LDHA: variants seen among roughly 807,000 people sequenced by gnomAD.
LDHA encodes the protein L-lactate dehydrogenase A chain.
In LDHA, 10 loss-of-function variants were observed where a neutral mutation model predicts 36.3. That is an observed-to-expected ratio of 0.28 (90% confidence interval 0.17 to 0.47). The LOEUF (loss-of-function observed/expected upper bound fraction) is 0.47, where lower values mean the gene tolerates loss of function less well. Among genes scored for constraint, LDHA ranks in the 20% least tolerant of loss-of-function variants. The probability of loss-of-function intolerance (pLI) is 0.99; values close to 1 mark genes in which losing one functional copy is unlikely to be tolerated. For synonymous variants in LDHA, 110 were observed against 136.7 expected, an observed-to-expected ratio of 0.80 and a Z score of 1.36; for missense variants, 267 against 405.8, an observed-to-expected ratio of 0.66 and a Z score of 2.94.
chr11:18,401,473 C>CTTTTTTTTTTTTTTTTTTTTTT (rs58157049), intron 4 of LDHA, among the ~76,000 whole-genome samples: 2 of 68,600 alleles, frequency 2.9e-5, no homozygotes, highest in Non-Finnish European at 5.1e-5. Flanking sequence ...ATTTATTTTT[C>CTTTTTTTTTTTTTTTTTTTTTT]TTTTTTTTTT....
chr11:18,398,707 G>A (rs7130990), intron 2 of LDHA: 92,313 of 144,504 alleles, frequency 0.64, 29,692 homozygotes, highest in South Asian at 0.73. Flanking sequence ...TCTGCCTCCC[G>A]GGTTCATACC....
chr11:18,402,668 A>G (rs1205529776), intron 4 of LDHA, 172 bp from the exon 5 acceptor site: 2 of 621,302 alleles, frequency 3.2e-6, no homozygotes, highest in Non-Finnish European at 5.8e-6. Flanking sequence ...TAACAAAATT[A>G]TTGGTTAGCC....
intron 1 of LDHA, among the ~76,000 whole-genome samples, chr11:18,396,026 C>A (rs1229569320): frequency 1.3e-5 from 2 of 152,256 alleles, no homozygotes; most frequent in East Asian, 3.8e-4. Flanking sequence ...ACGTTGCTGG[C>A]GTCTGCTTCG....
Position 18,406,872 on chromosome 11 carries a change from A to G in LDHA, c.835-245A>G, listed in dbSNP as rs920974965. On this transcript the variant is annotated intron_variant, in intron 7 of 7. Transcript: ENST00000422447. ...GTACTAAACATACAAAAATTAGCCA[A>G]GTGTGGTGGCGCACGCCTGTAGTCC... 1.5e-5 allele frequency: 6 copies of G among 408,408 alleles called. No homozygotes were observed. The Admixed American group carries it at 1.7e-4, about 11-fold the overall frequency. The allele number at this position is 408,408 out of a possible 1,614,324, so 25.3% of individuals were successfully genotyped here.
intron 7 of LDHA, among the ~76,000 whole-genome samples, chr11:18,406,318 G>A (rs918438705): frequency 1.3e-5 from 2 of 150,206 alleles, no homozygotes; most frequent in East Asian, 2.0e-4. Flanking sequence ...ACTGACAGCT[G>A]TAATGCCAGC....
chr11:18,396,265 C>T (rs1450458772), intron 1 of LDHA: 5 of 349,126 alleles, frequency 1.4e-5, no homozygotes, highest in Non-Finnish European at 2.1e-5. Flanking sequence ...ATCTTCCGGA[C>T]TTGGGCGGGG....
rs1866745452 is a variant in LDHA at position 18,407,643 on chromosome 11, T to A, written c.*362T>A. The A allele has an allele frequency of 3.4e-6, 2 of 594,302 alleles. No individual in the cohort carries two copies. Among genetic ancestry groups the A allele is most frequent in the Non-Finnish European group, 6.3e-6 (2 of 317,912 alleles). The allele number at this position is 594,302 out of a possible 1,614,324, so 36.8% of individuals were successfully genotyped here. A position where few individuals can be genotyped will look rare whatever the true frequency, so the allele number is the denominator to read the frequency against. On this transcript the variant is annotated 3_prime_UTR_variant, in exon 8 of 8. Transcript: ENST00000422447. The stretch of plus-strand genomic sequence containing the variant: ...TTCACTGAACATGCCTAGTCCAACA[T>A]TTTTTCCCAGTGAGTCACATCCTGG...
In LDHA at chr11:18,407,801, T is replaced by C. The variant is rs1447531620; in HGVS notation, c.*520T>C. 2.2e-6 allele frequency: 1 copy of C among 455,354 alleles called. No homozygotes were observed. Among genetic ancestry groups the C allele is most frequent in the Non-Finnish European group, 4.4e-6 (1 of 227,668 alleles). The allele number at this position is 455,354 out of a possible 1,614,324, so 28.2% of individuals were successfully genotyped here. On this transcript the variant is annotated 3_prime_UTR_variant, in exon 8 of 8. Coordinates refer to ENST00000422447, the MANE Select transcript of LDHA (RefSeq NM_005566.4). ...TACATACAAACAATGCAACCAACTA[T>C]CCAAGTGTTATACCAACTAAAACCC...
chr11:18,399,390 GTGGCAATTTTCC>G, intron 2 of LDHA, 29 bp from the exon 3 acceptor site: 1 of 1,371,258 alleles, frequency 7.3e-7, no homozygotes, highest in Non-Finnish European at 1.0e-6. Context: ...AAATCTAGAA[GTGGCAATTTTCC>G]ATTTAACTAA....
At chr11:18,397,526 C>T (rs1169956684) in intron 2 of LDHA, 3 of 152,180 alleles carry the variant, frequency 2.0e-5, no homozygotes, top group Admixed American at 6.6e-5. Flanking sequence ...ATTAAAATGT[C>T]TGAGGCGGGG....
chr11:18,397,310 C>T (rs1866336331), intron 2 of LDHA: 1 of 177,716 alleles, frequency 5.6e-6, no homozygotes, highest in Admixed American at 6.2e-5. Flanking sequence ...AATGACAATT[C>T]AAAAATTGTC....
intron 7 of LDHA, 170 bp downstream of exon 7, chr11:18,405,742 G>A: frequency 4.3e-6 from 3 of 697,186 alleles, no homozygotes; most frequent in South Asian, 3.3e-5. Flanking sequence ...TAGGATTAAT[G>A]TCCATTAGGC....
At chr11:18,400,506 T>G in intron 3 of LDHA, 10 of 373,380 alleles carry the variant, frequency 2.7e-5, no homozygotes, top group Non-Finnish European at 3.6e-5. Flanking sequence ...CCTGGGCTGA[T>G]AGGACACCAG....
chr11:18,403,106 C>T (rs1866562390), intron 5 of LDHA, 93 bp downstream of exon 5: 5 of 1,037,730 alleles, frequency 4.8e-6, no homozygotes, highest in Admixed American at 2.0e-5. Flanking sequence ...ATCAAATATC[C>T]ATTCAGTAGG....
At chr11:18,402,247 G>C (rs1163925795) in intron 4 of LDHA, among the ~76,000 whole-genome samples, 1 of 151,718 alleles carries the variant, frequency 6.6e-6, no homozygotes. Flanking sequence ...GAGCCACCGT[G>C]CCCGGGCCCA....
Position 18,396,964 on chromosome 11 carries a change from T to A in LDHA, c.122T>A (p.Met41Lys), listed in dbSNP as rs1221206806. 2.5e-6 allele frequency: 4 copies of A among 1,613,998 alleles called. No homozygotes were observed. The highest frequency in any genetic ancestry group is 3.4e-6 in the Non-Finnish European group (4 of 1,179,990). ...ATGGCCTGTGCCATCAGTATCTTAA[T>A]GAAGGTAAGTGAGAGTCTACCACAC... ...VGMACAISIL[M>K]KDLADELALV... is the part of the protein sequence containing the mutation. The change falls in exon 2 of 8, where the codon ATG becomes AAG. Residue 41 changes from methionine to lysine, a missense_variant. Physicochemically the swap from Met to Lys is moderately conservative, Grantham distance 95. Coordinates refer to ENST00000422447, the MANE Select transcript of LDHA (RefSeq NM_005566.4).
Position 18,408,348 on chromosome 11 carries a change from C to A in LDHA, c.*1067C>A, listed in dbSNP as rs193282587. The A allele has an allele frequency of 6.3e-5, 23 of 365,202 alleles. No individual in the cohort carries two copies. In the East Asian group the frequency reaches 1.2e-3, roughly 20 times the overall value. The allele number at this position is 365,202 out of a possible 1,614,324, so 22.6% of individuals were successfully genotyped here. A position where few individuals can be genotyped will look rare whatever the true frequency, so the allele number is the denominator to read the frequency against. ...ATCTGTTAAAAAAACAAAACAAAACCAAAAAAAACAAGTAACCTTGGTGGA... is the reference window on the plus strand; with the variant it reads ...ATCTGTTAAAAAAACAAAACAAAACAAAAAAAAACAAGTAACCTTGGTGGA... On this transcript the variant is annotated 3_prime_UTR_variant, in exon 8 of 8. Coordinates refer to ENST00000422447, the MANE Select transcript of LDHA (RefSeq NM_005566.4).
At chr11:18,398,261 T>C (rs1416517128) in intron 2 of LDHA, among the ~76,000 whole-genome samples, 1 of 152,220 alleles carries the variant, frequency 6.6e-6, no homozygotes, top group African/African-American at 2.4e-5. Flanking sequence ...ATAAGGATAT[T>C]TTTTGCCAGT....
At position 18,402,946 on chromosome 11, in the gene LDHA, G is replaced by C; in HGVS notation, c.525G>C (p.Gly175=). 6.2e-7 allele frequency: 1 copy of C among 1,612,136 alleles called. No homozygotes were observed. The highest frequency in any genetic ancestry group is 8.5e-7 in the Non-Finnish European group (1 of 1,178,176). The change falls in exon 5 of 8, where the codon GGG becomes GGC. Residue 175 remains glycine (G), a synonymous_variant. Transcript: ENST00000422447. ...LDSARFRYLM[G]ERLGVHPLSC... ...CAGCCCGATTCCGTTACCTAATGGG[G>C]GAAAGGCTGGGAGTTCACCCATTAA...
Sources: gnomAD v4.1 joint callset for allele counts (sites outside exome capture counted in the v4.1 genomes callset) on GRCh38, gnomAD v4.1.1 for gene constraint, MANE v1.5 for transcripts, NCBI Gene and HGNC (gene_info 2026-07-23, HGNC 2026-07-21) for gene names.